The following TENT5D variants were observed in gnomAD, a reference collection of about 807,000 sequenced individuals.
TENT5D encodes cancer/testis antigen 112.
For synonymous variants in TENT5D, 103 were observed against 100.6 expected (o/e 1.02, Z -0.15); for missense variants, 191 against 287.0 (o/e 0.67, Z 2.42).
At chrX:80,423,821 T>C in intron 1 of TENT5D, among the ~76,000 whole-genome samples, 1 of 111,478 alleles carries the variant, frequency 9.0e-6, no homozygotes, top group Non-Finnish European at 1.9e-5. Context: ...CAAAGACATT[T>C]CTATGCAGAG....
At chrX:80,405,547 G>A (rs1931469545) in intron 3 of TENT5D, among the ~76,000 whole-genome samples, 1 of 112,382 alleles carries the variant, frequency 8.9e-6, no homozygotes, top group African/African-American at 3.2e-5. Context: ...TTTTCGGACC[G>A]GCTTAAAAAA....
intron 3 of TENT5D, among the ~76,000 whole-genome samples, chrX:80,377,543 T>A (rs1930757801): frequency 9.0e-6 from 1 of 111,622 alleles, no homozygotes; most frequent in South Asian, 3.8e-4. Flanking sequence ...GCTTCATCCA[T>A]GTCCCTACAA....
At chrX:80,357,389 G>C in intron 3 of TENT5D, among the ~76,000 whole-genome samples, 1 of 108,168 alleles carries the variant, frequency 9.2e-6, no homozygotes, top group East Asian at 2.9e-4. Context: ...CAGTGTAAAA[G>C]TGTTCCTATT....
At chrX:80,392,898 AT>A (rs751555508) in intron 3 of TENT5D, among the ~76,000 whole-genome samples, 11 of 111,347 alleles carry the variant, frequency 9.9e-5, no homozygotes, top group African/African-American at 3.3e-4. Context: ...GATGCCCATC[AT>A]TTACATGATA....
intron 3 of TENT5D, among the ~76,000 whole-genome samples, chrX:80,402,201 T>TCA (rs1569367386): frequency 8.9e-6 from 1 of 111,778 alleles, no homozygotes; most frequent in Non-Finnish European, 1.9e-5. Flanking sequence ...TTGTTGATAG[T>TCA]AGTCTGCTAG....
At position 80,399,181 on chromosome X, in the gene TENT5D, T is replaced by C. The variant is rs1357393206; in HGVS notation, c.-141-39429T>C. The stretch of plus-strand genomic sequence containing the variant: ...TTTGGGGATCAAATGTAGAAGATCA[T>C]TGCCCAGAACAGTGTCATGTAGTTT... On this transcript the variant is annotated intron_variant, in intron 3 of 4. Transcript: ENST00000538312. 2.7e-5 allele frequency among the ~76,000 whole-genome samples: 3 copies of C among 111,964 alleles called. No homozygotes were observed. The East Asian group carries it at 8.4e-4, about 31-fold the overall frequency.
rs747566338 is a variant in TENT5D, at chrX:80,433,497, G to T, written c.-141-5113G>T. ...CAACACAAACAAGTGAACACAGCAA[G>T]AATTGTATTTATCTGGTTTAGGGCC... On this transcript the variant is annotated intron_variant, in intron 1 of 2. Coordinates refer to ENST00000308293, the Ensembl canonical transcript of TENT5D. Among the ~76,000 whole-genome samples, 24 of 112,418 alleles carry T rather than the reference G, an allele frequency of 2.1e-4. No individual in the cohort carries two copies. The South Asian group carries it at 8.8e-3, about 41-fold the overall frequency.
At chrX:80,388,858 G>A (rs1931072609) in intron 3 of TENT5D, among the ~76,000 whole-genome samples, 1 of 111,330 alleles carries the variant, frequency 9.0e-6, no homozygotes, top group African/African-American at 3.3e-5. Flanking sequence ...TCAAGTTTAT[G>A]CAGGACTCCA....
At chrX:80,364,278 A>ACACACAC (rs1491570482) in intron 3 of TENT5D, among the ~76,000 whole-genome samples, 6 of 111,280 alleles carry the variant, frequency 5.4e-5, no homozygotes, top group Non-Finnish European at 9.4e-5. Flanking sequence ...ATACACCCAT[A>ACACACAC]CACACACACA....
intron 3 of TENT5D, among the ~76,000 whole-genome samples, chrX:80,348,027 T>G (rs1930102627): frequency 8.9e-6 from 1 of 111,878 alleles, no homozygotes; most frequent in Non-Finnish European, 1.9e-5. Context: ...ATTCTGTTGG[T>G]CTATATATCT....
intron 3 of TENT5D, among the ~76,000 whole-genome samples, chrX:80,405,977 C>A (rs1463335206): frequency 9.2e-6 from 1 of 108,794 alleles, no homozygotes; most frequent in African/African-American, 3.4e-5. Flanking sequence ...GAGGCACCCC[C>A]CAGCAGGGGC....
chrX:80,375,560 G>A (rs770572633), intron 3 of TENT5D, among the ~76,000 whole-genome samples: 21 of 111,187 alleles, frequency 1.9e-4, no homozygotes, highest in African/African-American at 6.8e-4. Flanking sequence ...ATTTGTCCAT[G>A]TATATTTTCA....
intron 2 of TENT5D, among the ~76,000 whole-genome samples, chrX:80,339,776 T>C (rs923865924): frequency 9.1e-6 from 1 of 110,255 alleles, no homozygotes; most frequent in Non-Finnish European, 1.9e-5. Flanking sequence ...ACATGTTTAC[T>C]ATTTCTCAAA....
chrX:80,377,864 C>T (rs910409157), intron 3 of TENT5D, among the ~76,000 whole-genome samples: 7 of 111,777 alleles, frequency 6.3e-5, no homozygotes, highest in East Asian at 2.8e-4. Context: ...AGTGTAAAAG[C>T]GTTCCTATTT....
intron 3 of TENT5D, among the ~76,000 whole-genome samples, chrX:80,344,145 C>T (rs1456339373): frequency 1.8e-5 from 2 of 110,475 alleles, no homozygotes; most frequent in East Asian, 5.7e-4. Flanking sequence ...TTTCTTATGG[C>T]TGTGTAACAT....
intron 2 of TENT5D, among the ~76,000 whole-genome samples, chrX:80,336,605 A>G: frequency 9.1e-6 from 1 of 109,834 alleles, no homozygotes; most frequent in Non-Finnish European, 1.9e-5. Flanking sequence ...GATAAAAAAC[A>G]TTAAAAAAAA....
intron 3 of TENT5D, among the ~76,000 whole-genome samples, chrX:80,408,808 T>C (rs1931565308): frequency 9.0e-6 from 1 of 110,977 alleles, no homozygotes; most frequent in African/African-American, 3.3e-5. Flanking sequence ...AAGAGAATTT[T>C]AGATCAATAT....
rs965292637 is a variant in TENT5D, at chrX:80,344,353, A to T, written c.-142+1789A>T. ...CTGGGTCAAATGGTAGTTCTGTGTT[A>T]AAGTTTTTTGAGAAATCTCTAAACT... On this transcript the variant is annotated intron_variant, in intron 3 of 4. Coordinates refer to the TENT5D transcript ENST00000538312. Among the ~76,000 whole-genome samples, 3 of 111,086 alleles carry T rather than the reference A, an allele frequency of 2.7e-5. No homozygotes were observed. The South Asian group carries it at 1.1e-3, about 42-fold the overall frequency.
At position 80,443,671 on chromosome X, in the gene TENT5D, C is replaced by T. The variant is rs1208526491; in HGVS notation, c.1132C>T (p.His378Tyr). 11 of 1,196,193 alleles carry T rather than the reference C, an allele frequency of 9.2e-6. No individual in the cohort carries two copies. In the East Asian group the frequency reaches 2.4e-4, roughly 26 times the overall value. ...ACCCCCCGTTAGCTTCCAGCCATAC[C>T]ACCCACTGCACTTTCGTGGATCAAA... Residue 378 changes from histidine (H) to tyrosine (Y), a missense_variant, in exon 3 of 3, where the codon CAC becomes TAC. By Grantham distance (83) the His-to-Tyr change is moderately conservative (BLOSUM62 2). Coordinates refer to ENST00000308293, the Ensembl canonical transcript of TENT5D.
Sources: allele counts gnomAD v4.1 joint callset (sites outside exome capture counted in the v4.1 genomes callset), GRCh38; gene constraint gnomAD v4.1.1; transcripts MANE v1.5; gene names NCBI Gene and HGNC (gene_info 2026-07-23, HGNC 2026-07-21).